Variants in MSI1 observed in about 807,000 individuals in gnomAD.
The protein encoded by MSI1 is musashi RNA binding protein 1, also known as RNA-binding protein Musashi homolog 1.
A neutral mutation model predicts 54.4 loss-of-function variants in MSI1; 15 were observed. The observed-to-expected ratio is 0.28, with a 90% CI of 0.18 to 0.42. The LOEUF (loss-of-function observed/expected upper bound fraction) is 0.42, where lower values mean the gene tolerates loss of function less well. Among genes scored for constraint, MSI1 ranks in the 20% least tolerant of loss-of-function variants. The pLI is 1.00. For missense variants in MSI1, 304 were observed against 506.0 expected, an observed-to-expected ratio of 0.60 and a Z score of 3.83; for synonymous variants, 200 against 196.5, an observed-to-expected ratio of 1.02 and a Z score of -0.15.
At chr12:120,350,140 G>A (rs1056047790) in intron 11 of MSI1, among the ~76,000 whole-genome samples, 3 of 152,076 alleles carry the variant, frequency 2.0e-5, no homozygotes, top group Admixed American at 6.6e-5. Context: ...TCCCACCTCA[G>A]CCTCCCAAGT....
rs567425717 is a variant in MSI1, at chr12:120,368,776, G to A, written c.100+57C>T. 812 of 1,358,432 alleles carry A rather than the reference G, an allele frequency of 6.0e-4. 6 individuals are homozygous for A. The African/African-American group carries it at 0.011, about 19-fold the overall frequency. The allele number at this position is 1,358,432 out of a possible 1,614,324, so 84.1% of individuals were successfully genotyped here. On this transcript the variant is annotated intron_variant, in intron 2 of 14. Coordinates refer to ENST00000257552, the MANE Select transcript of MSI1 (RefSeq NM_002442.4). This position sits in a 1 kb window ranked among gnomAD's most constrained non-coding sequence, Gnocchi z 6.6. ...CCGGGCTGGGGTGTCCGGGTCCGGG[G>A]CGCCGGGGGGTCCGGGGTGCCCTGC... is the stretch of plus-strand genomic sequence containing the variant.
chr12:120,345,067 T>C (rs1366016763), intron 14 of MSI1, among the ~76,000 whole-genome samples: 2 of 151,718 alleles, frequency 1.3e-5, no homozygotes, highest in Non-Finnish European at 2.9e-5. Context: ...AAAAAATCTT[T>C]GTGGCCTGCG....
rs1873757643 is a variant in MSI1 at position 120,342,589 on chromosome 12, GC to G, written c.*537del. ...GCTGGTGGGGGGCACCTGGCCCCTT[GC>G]CCCCTGCGGCCTGGGGCTTCACATT... On this transcript the variant is annotated 3_prime_UTR_variant, in exon 15 of 15. Coordinates refer to ENST00000257552, the MANE Select transcript of MSI1 (RefSeq NM_002442.4). The G allele has an allele frequency of 2.0e-5, 3 of 147,744 alleles. No homozygotes were observed. The Admixed American group carries it at 2.1e-4, about 10-fold the overall frequency. The allele number at this position is 147,744 out of a possible 1,614,324, so 9.2% of individuals were successfully genotyped here.
At position 120,356,968 on chromosome 12, in the gene MSI1, C is replaced by G. The variant is rs779869447; in HGVS notation, c.586G>C (p.Ala196Pro). ...GGCATGACTCGAGACCTCCCCCGGG[C>G]TGAGCCCGTTGGCGACATCACCTCC... ...PKEVMSPTGS[A>P]RGRSRVMPYG... Residue 196 changes from alanine to proline, a missense_variant, in exon 9 of 15, where the codon GCC becomes CCC. This residue lies in a region of MSI1 where 22 missense variants were observed against 19.6 expected (regional missense o/e 1.12). Coordinates refer to ENST00000257552, the MANE Select transcript of MSI1 (RefSeq NM_002442.4). The G allele has an allele frequency of 6.2e-7, 1 of 1,614,144 alleles. No individual in the cohort carries two copies. Among genetic ancestry groups the G allele is most frequent in the Non-Finnish European group, 8.5e-7 (1 of 1,180,056 alleles).
chr12:120,367,280 C>T (rs1377572827), intron 4 of MSI1, among the ~76,000 whole-genome samples: 1 of 152,100 alleles, frequency 6.6e-6, no homozygotes, highest in African/African-American at 2.4e-5. Context: ...TGGGAGTAAC[C>T]CCCTCCTCTG....
chr12:120,366,091 T>C (rs1876001188), intron 4 of MSI1, among the ~76,000 whole-genome samples: 1 of 152,202 alleles, frequency 6.6e-6, no homozygotes, highest in African/African-American at 2.4e-5. Flanking sequence ...CATGAGACGC[T>C]GTGATCCATG....
At chr12:120,352,198 G>A (rs549689417) in intron 10 of MSI1, among the ~76,000 whole-genome samples, 1 of 152,084 alleles carries the variant, frequency 6.6e-6, no homozygotes, top group Non-Finnish European at 1.5e-5. Context: ...GTAGAGACAA[G>A]GCCTCACTAT....
At position 120,355,304 on chromosome 12, in the gene MSI1, C is replaced by T. The variant is rs1437609562; in HGVS notation, c.652+1598G>A. Among the ~76,000 whole-genome samples the T allele has an allele frequency of 2.0e-5, 3 of 150,386 alleles. 1 individual carries two copies. The Admixed American group carries it at 2.0e-4, about 10-fold the overall frequency. Reference sequence around the variant, plus strand: ...CCTGTAGTCCCAGCTACTCGGGAGACTGAGGCAGGAGAATGGCGTGAACCC... The same window carrying T: ...CCTGTAGTCCCAGCTACTCGGGAGATTGAGGCAGGAGAATGGCGTGAACCC... On this transcript the variant is annotated intron_variant, in intron 9 of 14. Coordinates refer to ENST00000257552, the MANE Select transcript of MSI1 (RefSeq NM_002442.4).
intron 14 of MSI1, among the ~76,000 whole-genome samples, chr12:120,344,098 C>T (rs1040264325): frequency 2.0e-5 from 3 of 152,120 alleles, no homozygotes; most frequent in African/African-American, 4.8e-5. Context: ...TCAGGTGATC[C>T]GCCTGCCTTG....
At position 120,368,961 on chromosome 12, in the gene MSI1, G is replaced by T; in HGVS notation, c.59+72C>A. On this transcript the variant is annotated intron_variant, in intron 1 of 14. Transcript: ENST00000257552. The surrounding 1 kb of genome is among the most constrained non-coding windows in gnomAD (Gnocchi z 6.6). Reference sequence around the variant, plus strand: ...GCGGGCCCGGGCTCCGGGGAGGCCCGGCCGGACCCGGATCGGCCATGTTGG... The same window carrying T: ...GCGGGCCCGGGCTCCGGGGAGGCCCTGCCGGACCCGGATCGGCCATGTTGG... 8.5e-7 allele frequency: 1 copy of T among 1,179,340 alleles called. No individual in the cohort carries two copies. Among genetic ancestry groups the T allele is most frequent in the Non-Finnish European group, 1.1e-6 (1 of 948,980 alleles). 73.1% of individuals were successfully genotyped at this position (1,179,340 alleles called of 1,614,324 possible).
At chr12:120,344,432 G>C (rs996381814) in intron 14 of MSI1, among the ~76,000 whole-genome samples, 1 of 152,182 alleles carries the variant, frequency 6.6e-6, no homozygotes, top group African/African-American at 2.4e-5. Context: ...GCTGGGCCCG[G>C]TGGCTCATGC....
chr12:120,346,168 A>G lies in MSI1; in HGVS notation c.1014T>C (p.Pro338=). 6.3e-7 allele frequency: 1 copy of G among 1,596,220 alleles called. No homozygotes were observed. Among genetic ancestry groups the G allele is most frequent in the Non-Finnish European group, 8.5e-7 (1 of 1,172,626 alleles). The change falls in exon 13 of 15, where the codon CCT becomes CCC. Residue 338 remains proline, a synonymous_variant. Coordinates refer to ENST00000257552, the MANE Select transcript of MSI1 (RefSeq NM_002442.4). The part of the protein sequence containing the change: ...GVSSYISAAS[P]APSTGFGHSL... ...TGTGGCCGAAGCCGGTGCTGGGGGC[A>G]GGGCTGGCGGCGCTGATGTAACTGC...
At chr12:120,348,817 C>T (rs1026289557) in intron 11 of MSI1, among the ~76,000 whole-genome samples, 1 of 152,064 alleles carries the variant, frequency 6.6e-6, no homozygotes, top group Admixed American at 6.5e-5. Context: ...CGCTTGCACC[C>T]AGGAGGTGGA....
chr12:120,362,727 A>G (rs955357529), intron 6 of MSI1, among the ~76,000 whole-genome samples: 7 of 152,346 alleles, frequency 4.6e-5, no homozygotes, highest in Admixed American at 2.6e-4. Context: ...CCACGGGCTG[A>G]CTTGATTGAA....
intron 6 of MSI1, 23 bp from the exon 7 acceptor site, chr12:120,359,076 G>A (rs1260825985): frequency 7.7e-6 from 12 of 1,552,834 alleles, no homozygotes; most frequent in Non-Finnish European, 1.0e-5. Context: ...CCGCCATGGA[G>A]GACCCAGCAG....
Position 120,346,175 on chromosome 12 carries a change from G to T in MSI1, c.1007C>A (p.Ala336Asp). Residue 336 changes from alanine (A) to aspartate (D), a missense_variant, in exon 13 of 15, where the codon GCC becomes GAC. Around this residue, in one of 4 missense-constraint regions of MSI1, gnomAD observed 147 missense variants for 231.5 expected, o/e 0.64. Coordinates refer to ENST00000257552, the MANE Select transcript of MSI1 (RefSeq NM_002442.4). The stretch of plus-strand genomic sequence containing the variant: ...GAAGCCGGTGCTGGGGGCAGGGCTG[G>T]CGGCGCTGATGTAACTGCTGACCCC... The part of the protein sequence containing the change: ...DSGVSSYISA[A>D]SPAPSTGFGH... 1 of 1,597,938 alleles carries T rather than the reference G, an allele frequency of 6.3e-7. No homozygotes were observed. The highest frequency in any genetic ancestry group is 1.1e-5 in the South Asian group (1 of 88,290).
intron 14 of MSI1, among the ~76,000 whole-genome samples, chr12:120,343,951 G>C (rs575795048): frequency 6.6e-6 from 1 of 152,264 alleles, no homozygotes; most frequent in Admixed American, 6.5e-5. Flanking sequence ...TCGCTTTCTG[G>C]GTTCAAGCGA....
chr12:120,350,850 A>G (rs967998746), intron 11 of MSI1, among the ~76,000 whole-genome samples: 4 of 152,260 alleles, frequency 2.6e-5, no homozygotes, highest in East Asian at 3.8e-4. Flanking sequence ...ACATTGAAAA[A>G]TAATGGAAAA....
At chr12:120,363,165 A>C (rs751061071) in intron 5 of MSI1, 30 bp from the exon 6 acceptor site, 82 of 1,597,534 alleles carry the variant, frequency 5.1e-5, no homozygotes, top group Non-Finnish European at 6.3e-5. Context: ...GAAAGTGGGC[A>C]TCTGAGTCCT....
Sources: gnomAD v4.1 joint callset for allele counts (sites outside exome capture counted in the v4.1 genomes callset) on GRCh38, gnomAD v4.1.1 for gene constraint, gnomAD v4.1.1 regional missense constraint, Gnocchi (gnomAD v3.1) non-coding constraint, MANE v1.5 for transcripts, NCBI Gene and HGNC (gene_info 2026-07-23, HGNC 2026-07-21) for gene names.